Variants in PATJ observed in about 807,000 individuals in gnomAD.
The protein encoded by PATJ is inaD-like protein.
In PATJ, 190 loss-of-function variants were observed where a neutral mutation model predicts 224.9. The observed-to-expected ratio is 0.84, with a 90% CI of 0.75 to 0.95. PATJ has a LOEUF of 0.95. Ranked by LOEUF, PATJ falls within the 40% of genes least tolerant of loss-of-function variation. PATJ has a pLI of 0.00. For missense variants in PATJ, 2,121 were observed against 2,270.3 expected (o/e 0.93, Z 1.34); for synonymous variants, 769 against 820.3 (o/e 0.94, Z 1.07).
intron 31 of PATJ, chr1:62,073,128 T>TG (rs1657720136): frequency 6.1e-6 from 6 of 985,262 alleles, no homozygotes; most frequent in Non-Finnish European, 7.2e-6. Context: ...TTTGCTCTTC[T>TG]GGGGTTGCGT....
At chr1:61,916,549 TA>T (rs1324699007) in intron 26 of PATJ, among the ~76,000 whole-genome samples, 1 of 152,198 alleles carries the variant, frequency 6.6e-6, no homozygotes, top group Non-Finnish European at 1.5e-5. Context: ...TCCTGATATT[TA>T]AGGAAAAGCT....
chr1:61,841,474 A>G (rs1661074573), intron 17 of PATJ, among the ~76,000 whole-genome samples: 1 of 152,286 alleles, frequency 6.6e-6, no homozygotes, highest in Non-Finnish European at 1.5e-5. Flanking sequence ...GTATGTAACC[A>G]TATTATTTCC....
intron 30 of PATJ, chr1:62,038,850 G>A (rs556914278): frequency 5.5e-6 from 4 of 728,314 alleles, no homozygotes; most frequent in Admixed American, 5.3e-5. Context: ...GGATGGAGGC[G>A]ACCTTGGAGC....
chr1:62,010,924 C>G (rs1048221056), intron 28 of PATJ, among the ~76,000 whole-genome samples: 1 of 152,174 alleles, frequency 6.6e-6, no homozygotes. Context: ...TGCTGCTTCT[C>G]CTTGCATTTT....
At chr1:61,902,152 T>TG (rs1439307167) in intron 24 of PATJ, among the ~76,000 whole-genome samples, 1 of 148,866 alleles carries the variant, frequency 6.7e-6, no homozygotes, top group Non-Finnish European at 1.5e-5. Context: ...ACCCTGGAGG[T>TG]GGGGGTCTCA....
At chr1:61,912,380 G>A (rs1178027199) in intron 25 of PATJ, among the ~76,000 whole-genome samples, 1 of 151,956 alleles carries the variant, frequency 6.6e-6, no homozygotes, top group Non-Finnish European at 1.5e-5. Context: ...GATCACTTGA[G>A]GTCTGGAGTT....
At chr1:61,757,429 G>A (rs938349159) in intron 1 of PATJ, among the ~76,000 whole-genome samples, 3 of 152,078 alleles carry the variant, frequency 2.0e-5, no homozygotes, top group Non-Finnish European at 2.9e-5. Flanking sequence ...CTGTCACCCA[G>A]GCTGGAGTGC....
chr1:62,063,162 A>G (rs972126462), intron 31 of PATJ, among the ~76,000 whole-genome samples: 7 of 152,174 alleles, frequency 4.6e-5, no homozygotes, highest in Non-Finnish European at 1.0e-4. Context: ...TCTTCAATCC[A>G]TCTTGAGTTA....
chr1:61,796,436 T>C (rs188603735), intron 10 of PATJ, among the ~76,000 whole-genome samples: 1 of 152,328 alleles, frequency 6.6e-6, no homozygotes, highest in East Asian at 1.9e-4. Context: ...CTCTTCAGTT[T>C]TGATAATAAT....
intron 30 of PATJ, among the ~76,000 whole-genome samples, chr1:62,042,164 T>C (rs1651618976): frequency 6.6e-6 from 1 of 152,226 alleles, no homozygotes; most frequent in Non-Finnish European, 1.5e-5. Flanking sequence ...TGAAATCACA[T>C]TAGGCATTTA....
At chr1:61,965,121 C>CAAAAAAAAAAAAAAAAAAAAAAAAAAAAA (rs34267345) in intron 27 of PATJ, among the ~76,000 whole-genome samples, 3 of 54,372 alleles carry the variant, frequency 5.5e-5, no homozygotes, top group Admixed American at 2.7e-4. Context: ...GACTCTGTCT[C>CAAAAAAAAAAAAAAAAAAAAAAAAAAAAA]AAAAAAAAAA....
intron 17 of PATJ, among the ~76,000 whole-genome samples, chr1:61,845,482 T>C (rs1661779161): frequency 6.6e-6 from 1 of 152,238 alleles, no homozygotes; most frequent in African/African-American, 2.4e-5. Context: ...CTTGAAGCCT[T>C]ATGATCCCTT....
intron 27 of PATJ, among the ~76,000 whole-genome samples, chr1:61,964,047 TA>T (rs1681712410): frequency 6.6e-6 from 1 of 152,100 alleles, no homozygotes; most frequent in Non-Finnish European, 1.5e-5. Flanking sequence ...TAAGTTGTAT[TA>T]AAAAGCATTA....
chr1:61,848,429 T>C (rs1662301969), intron 17 of PATJ, among the ~76,000 whole-genome samples: 1 of 152,248 alleles, frequency 6.6e-6, no homozygotes, highest in Admixed American at 6.5e-5. Flanking sequence ...GCCACCGAGC[T>C]TGTGCCGATC....
intron 30 of PATJ, among the ~76,000 whole-genome samples, chr1:62,049,397 AT>A (rs1653173448): frequency 6.6e-6 from 1 of 152,114 alleles, no homozygotes; most frequent in African/African-American, 2.4e-5. Context: ...TCTGTTGTCC[AT>A]TTGATAGTTG....
intron 17 of PATJ, among the ~76,000 whole-genome samples, chr1:61,834,222 C>T (rs1046667932): frequency 2.0e-5 from 3 of 152,166 alleles, no homozygotes; most frequent in African/African-American, 7.2e-5. Context: ...AAATCCCATA[C>T]ACATTAGCAT....
At chr1:61,869,290 TAG>T (rs1303908247) in intron 20 of PATJ, among the ~76,000 whole-genome samples, 3 of 151,414 alleles carry the variant, frequency 2.0e-5, no homozygotes, top group Admixed American at 2.0e-4. Flanking sequence ...GTATTTTTAG[TAG>T]AGACGGGGTT....
intron 42 of PATJ, among the ~76,000 whole-genome samples, chr1:62,151,645 T>C (rs943625223): frequency 2.6e-5 from 4 of 152,182 alleles, no homozygotes; most frequent in Non-Finnish European, 5.9e-5. Flanking sequence ...GGGAAGAATA[T>C]TCTAGTTAAA....
chr1:62,114,460 A>G (rs1664228442), intron 35 of PATJ: 1 of 521,248 alleles, frequency 1.9e-6, no homozygotes, highest in Admixed American at 3.5e-5. Flanking sequence ...ATCAATCCAG[A>G]CTGATATATT....
Sources: gnomAD v4.1 joint callset for allele counts (sites outside exome capture counted in the v4.1 genomes callset) on GRCh38, gnomAD v4.1.1 for gene constraint, MANE v1.5 for transcripts, NCBI Gene and HGNC (gene_info 2026-07-23, HGNC 2026-07-21) for gene names.